Variants in EDA observed in about 807,000 individuals in gnomAD.
EDA encodes ectodysplasin-A.
EDA carries 2 observed loss-of-function variants against 23.6 expected under a neutral mutation model. The observed-to-expected ratio is 0.08, with a 90% confidence interval of 0.03 to 0.27. The LOEUF is 0.27. EDA is among the 10% of genes least tolerant of loss of function. The pLI, the probability that EDA is intolerant of heterozygous loss-of-function variation, is 1.00. For synonymous variants in EDA, 131 were observed against 132.0 expected, an observed-to-expected ratio of 0.99 and a Z score of 0.05; for missense variants, 229 against 324.2, an observed-to-expected ratio of 0.71 and a Z score of 2.26.
chrX:69,669,505 A>G (rs1005172603), intron 1 of EDA, among the ~76,000 whole-genome samples: 2 of 111,789 alleles, frequency 1.8e-5, no homozygotes, highest in Non-Finnish European at 3.8e-5. Flanking sequence ...ATAATAAACT[A>G]TTTTAAGCTA....
chrX:69,932,471 G>GT (rs1197392014), intron 1 of EDA, among the ~76,000 whole-genome samples: 1 of 111,609 alleles, frequency 9.0e-6, no homozygotes, highest in African/African-American at 3.3e-5. Flanking sequence ...TGAGGCTGGA[G>GT]TTAAAGAGGC....
intron 1 of EDA, among the ~76,000 whole-genome samples, chrX:69,801,039 C>T (rs2015672376): frequency 8.9e-6 from 1 of 111,765 alleles, no homozygotes; most frequent in African/African-American, 3.2e-5. Flanking sequence ...GATCCTGACA[C>T]CTAAGCAGAA....
rs185020576 is a variant in EDA at position 69,930,090 on chromosome X, G to A, written c.397-26937G>A. Among the ~76,000 whole-genome samples the A allele has an allele frequency of 5.0e-4, 56 of 111,654 alleles. No homozygotes were observed. In the East Asian group the frequency reaches 0.015, roughly 31 times the overall value. ...TGTTTGTCTTCTCACTAGGTAGGTGGTGAGCCTCAGAAGAACAAGGTCTAC... is the reference window on the plus strand; with the variant it reads ...TGTTTGTCTTCTCACTAGGTAGGTGATGAGCCTCAGAAGAACAAGGTCTAC... On this transcript the variant is annotated intron_variant, in intron 1 of 7. Transcript: ENST00000374552.
intron 1 of EDA, among the ~76,000 whole-genome samples, chrX:69,666,243 A>G (rs1457234902): frequency 8.9e-6 from 1 of 112,204 alleles, no homozygotes; most frequent in African/African-American, 3.2e-5. Flanking sequence ...ATCTGCAAAT[A>G]GAGATAATTT....
chrX:69,786,160 T>C (rs1453405156), intron 1 of EDA, among the ~76,000 whole-genome samples: 2 of 111,267 alleles, frequency 1.8e-5, no homozygotes, highest in Non-Finnish European at 3.8e-5. Flanking sequence ...CATTTTTTAT[T>C]GCATCTATTT....
At chrX:69,754,663 A>G (rs886465778) in intron 1 of EDA, among the ~76,000 whole-genome samples, 1 of 111,796 alleles carries the variant, frequency 8.9e-6, no homozygotes, top group Non-Finnish European at 1.9e-5. Flanking sequence ...GTGTTTTCCA[A>G]GTTGGTTCCA....
intron 1 of EDA, among the ~76,000 whole-genome samples, chrX:69,891,509 A>G (rs2051302934): frequency 1.8e-5 from 2 of 111,974 alleles, no homozygotes; most frequent in Non-Finnish European, 3.8e-5. Context: ...CATGGAATCA[A>G]CCTAAATGCT....
At chrX:70,030,643 A>T in intron 6 of EDA, 123 bp downstream of exon 6, 1 of 650,290 alleles carries the variant, frequency 1.5e-6, no homozygotes, top group Non-Finnish European at 2.4e-6. Flanking sequence ...ATACGAAGTC[A>T]TTCTTTGCTC....
chrX:69,787,596 C>A (rs1334989789), intron 1 of EDA, among the ~76,000 whole-genome samples: 1 of 109,025 alleles, frequency 9.2e-6, no homozygotes, highest in Non-Finnish European at 1.9e-5. Context: ...AAATTCTTTT[C>A]TTTAGGAATG....
intron 1 of EDA, among the ~76,000 whole-genome samples, chrX:69,829,266 C>G (rs758864397): frequency 2.7e-4 from 30 of 111,907 alleles, no homozygotes; most frequent in Non-Finnish European, 5.1e-4. Flanking sequence ...CCTCACACCA[C>G]ATTTAGGGTT....
At chrX:69,745,074 G>T (rs1464367301) in intron 1 of EDA, among the ~76,000 whole-genome samples, 3 of 111,651 alleles carry the variant, frequency 2.7e-5, no homozygotes, top group African/African-American at 9.8e-5. Flanking sequence ...TTTTTCATTG[G>T]ACAGATATGT....
At chrX:69,858,495 G>T (rs1201842219) in intron 1 of EDA, among the ~76,000 whole-genome samples, 1 of 111,744 alleles carries the variant, frequency 8.9e-6, no homozygotes, top group Non-Finnish European at 1.9e-5. Context: ...AATCATGTGG[G>T]TTTTGTCTTT....
intron 1 of EDA, among the ~76,000 whole-genome samples, chrX:69,855,087 A>G (rs542201801): frequency 1.8e-5 from 2 of 110,751 alleles, no homozygotes; most frequent in South Asian, 3.8e-4. Context: ...TTTTTTTCAC[A>G]TGATTTTTGG....
intron 1 of EDA, among the ~76,000 whole-genome samples, chrX:69,625,359 G>C (rs116263041): frequency 2.5e-3 from 275 of 110,669 alleles, no homozygotes; most frequent in African/African-American, 8.1e-3. Flanking sequence ...TAGGCAGTAG[G>C]AACAGCAAGT....
chrX:69,976,068 T>C (rs2019313980), intron 2 of EDA, among the ~76,000 whole-genome samples: 1 of 111,382 alleles, frequency 9.0e-6, no homozygotes, highest in Admixed American at 9.6e-5. Flanking sequence ...TCTAATTTAT[T>C]TTTTTTCAGG....
At chrX:69,777,157 T>TTGC (rs2147439322) in intron 1 of EDA, among the ~76,000 whole-genome samples, 1 of 109,862 alleles carries the variant, frequency 9.1e-6, no homozygotes, top group East Asian at 2.9e-4. Flanking sequence ...GTTGTTGTTG[T>TTGC]TGTTGTTGTT....
intron 1 of EDA, among the ~76,000 whole-genome samples, chrX:69,786,747 C>T (rs1212352247): frequency 9.1e-6 from 1 of 110,458 alleles, no homozygotes; most frequent in Non-Finnish European, 1.9e-5. Context: ...TGGTGTGGTG[C>T]TGAAAAGAAT....
intron 1 of EDA, among the ~76,000 whole-genome samples, chrX:69,657,972 G>T (rs1033068875): frequency 9.0e-6 from 1 of 110,970 alleles, no homozygotes; most frequent in East Asian, 2.8e-4. Context: ...TCCATATGAA[G>T]CTTTGAATAG....
At chrX:69,974,661 C>G (rs1236821621) in intron 2 of EDA, among the ~76,000 whole-genome samples, 1 of 111,774 alleles carries the variant, frequency 8.9e-6, no homozygotes, top group Non-Finnish European at 1.9e-5. Context: ...TGACAAAGGT[C>G]TGATATCCAG....
Sources: allele counts gnomAD v4.1 joint callset (sites outside exome capture counted in the v4.1 genomes callset), GRCh38; gene constraint gnomAD v4.1.1; transcripts MANE v1.5; gene names NCBI Gene and HGNC (gene_info 2026-07-23, HGNC 2026-07-21).